EHBP1: variants seen among roughly 807,000 people sequenced by gnomAD.
EHBP1 encodes the protein EH domain-binding protein 1.
In EHBP1, 55 loss-of-function variants were observed where a neutral mutation model predicts 144.0. The ratio of observed to expected loss-of-function variants is 0.38; its 90% CI spans 0.31 to 0.48. EHBP1 has a LOEUF of 0.48. Among genes scored for constraint, EHBP1 ranks in the 20% least tolerant of loss-of-function variants. The pLI, the probability that EHBP1 is intolerant of heterozygous loss-of-function variation, is 0.98. For synonymous variants in EHBP1, 469 were observed against 472.7 expected, an observed-to-expected ratio of 0.99 and a Z score of 0.10; for missense variants, 1,200 against 1,364.2, an observed-to-expected ratio of 0.88 and a Z score of 1.90.
At chr2:62,840,813 T>G (rs1271357237) in intron 7 of EHBP1, among the ~76,000 whole-genome samples, 1 of 151,836 alleles carries the variant, frequency 6.6e-6, no homozygotes, top group Non-Finnish European at 1.5e-5. Flanking sequence ...CCAGTTAGAA[T>G]GGCAATCATT....
At chr2:62,765,256 C>T (rs1198259136) in intron 4 of EHBP1, among the ~76,000 whole-genome samples, 1 of 152,050 alleles carries the variant, frequency 6.6e-6, no homozygotes. Context: ...TTTTTACTGA[C>T]TTGGCCCTAT....
chr2:62,936,716 C>T (rs2056412064), intron 10 of EHBP1, among the ~76,000 whole-genome samples: 1 of 151,796 alleles, frequency 6.6e-6, no homozygotes, highest in African/African-American at 2.4e-5. Flanking sequence ...ATCTTTCTAG[C>T]AGTAGAATAA....
chr2:62,966,100 G>C (rs1338938988), intron 14 of EHBP1, among the ~76,000 whole-genome samples: 1 of 152,138 alleles, frequency 6.6e-6, no homozygotes, highest in Non-Finnish European at 1.5e-5. Context: ...TTAACTTAGA[G>C]TCTGATTCTT....
intron 16 of EHBP1, 54 bp from the exon 17 acceptor site, chr2:62,993,476 A>T: frequency 7.2e-7 from 1 of 1,382,958 alleles, no homozygotes. Context: ...ACTAATGTGT[A>T]ATTTTATGTT....
chr2:62,729,426 TATAATA>T (rs1480224667), intron 2 of EHBP1, among the ~76,000 whole-genome samples: 3 of 89,170 alleles, frequency 3.4e-5, no homozygotes. Flanking sequence ...AATAATATAA[TATAATA>T]ATAATAAATA....
intron 6 of EHBP1, among the ~76,000 whole-genome samples, chr2:62,830,151 T>TAG: frequency 3.1e-5 from 2 of 64,810 alleles, no homozygotes; most frequent in South Asian, 6.1e-4. Context: ...TATATATATA[T>TAG]AGACACACAC....
intron 13 of EHBP1, 47 bp downstream of exon 13, chr2:62,949,209 C>T (rs2057247880): frequency 6.9e-7 from 1 of 1,453,144 alleles, no homozygotes; most frequent in Non-Finnish European, 9.2e-7. Context: ...ATTAGTTATT[C>T]TCTGTTTTTG....
At chr2:63,005,190 A>C (rs1186013965) in intron 19 of EHBP1, among the ~76,000 whole-genome samples, 1 of 152,088 alleles carries the variant, frequency 6.6e-6, no homozygotes, top group Non-Finnish European at 1.5e-5. Context: ...GGCCATGGGT[A>C]GTATTAATAA....
chr2:62,705,297 A>G (rs569331162), upstream of EHBP1, among the ~76,000 whole-genome samples: 3 of 152,076 alleles, frequency 2.0e-5, no homozygotes, highest in Non-Finnish European at 4.4e-5. Context: ...AGCTGCAGCG[A>G]AGCCAATCTC....
intron 14 of EHBP1, among the ~76,000 whole-genome samples, chr2:62,972,744 C>G (rs1215369801): frequency 2.0e-5 from 3 of 152,126 alleles, no homozygotes; most frequent in Non-Finnish European, 1.5e-5. Flanking sequence ...TTAAGGCAAT[C>G]TGATAGGGAA....
In EHBP1 at chr2:62,993,544, TCTC is replaced by T; in HGVS notation, c.2750_2752del (p.Leu917del). Reference sequence around the variant, plus strand: ...TTTACGTTTAGAGTGGCACAGAAGATCTCCGGACTGAACGATTACAAAAAACAA... The same window carrying T: ...TTTACGTTTAGAGTGGCACAGAAGATCGGACTGAACGATTACAAAAAACAA... On this transcript the variant is annotated inframe_deletion, in exon 17 of 23. Transcript: ENST00000431489. 1 of 1,593,944 alleles carries T rather than the reference TCTC, an allele frequency of 6.3e-7. No homozygotes were observed. Among genetic ancestry groups the T allele is most frequent in the Non-Finnish European group, 8.6e-7 (1 of 1,167,242 alleles).
chr2:63,005,733 A>C (rs1245666359), intron 19 of EHBP1, among the ~76,000 whole-genome samples: 1 of 152,026 alleles, frequency 6.6e-6, no homozygotes, highest in Non-Finnish European at 1.5e-5. Flanking sequence ...GTTATCTATA[A>C]TTGGTATTAA....
chr2:62,792,312 A>G (rs1319857298), intron 5 of EHBP1, among the ~76,000 whole-genome samples: 1 of 152,038 alleles, frequency 6.6e-6, no homozygotes, highest in Non-Finnish European at 1.5e-5. Flanking sequence ...CAGTCCAGAT[A>G]TATTAGTGCC....
Position 62,948,262 on chromosome 2 carries a change from A to G in EHBP1, c.1416A>G (p.Ala472=). 6.4e-7 allele frequency: 1 copy of G among 1,557,124 alleles called. No individual in the cohort carries two copies. The highest frequency in any genetic ancestry group is 8.7e-7 in the Non-Finnish European group (1 of 1,152,234). Residue 472 remains alanine (A), a splice_region_variant and synonymous_variant, in exon 13 of 23, where the codon GCA becomes GCG. Coordinates refer to ENST00000431489, the MANE Select transcript of EHBP1 (RefSeq NM_001142616.3). ...PQDIKENNKK[A]YDGFASIGIS... ...TTTTGTTTTTCCTTCCTTTGAAGGC[A>G]TACGATGGATTTGCCAGCATAGGAA...
At chr2:63,003,130 A>AG (rs1186190251) in intron 19 of EHBP1, among the ~76,000 whole-genome samples, 1 of 152,076 alleles carries the variant, frequency 6.6e-6, no homozygotes, top group Admixed American at 6.6e-5. Flanking sequence ...AATAGTCACT[A>AG]GTCACCATTT....
chr2:62,968,995 T>C (rs1250882157), intron 14 of EHBP1, among the ~76,000 whole-genome samples: 1 of 152,240 alleles, frequency 6.6e-6, no homozygotes, highest in Non-Finnish European at 1.5e-5. Flanking sequence ...AGGTGATACT[T>C]ACTTAGTCAG....
chr2:63,038,939 A>G (rs1273119269), intron 21 of EHBP1, 123 bp downstream of exon 21: 2 of 791,130 alleles, frequency 2.5e-6, no homozygotes, highest in Non-Finnish European at 2.1e-6. Flanking sequence ...AATTGCAAAT[A>G]AATGCCGTGG....
At chr2:62,790,147 C>T (rs563947207) in intron 5 of EHBP1, among the ~76,000 whole-genome samples, 1 of 152,244 alleles carries the variant, frequency 6.6e-6, no homozygotes, top group African/African-American at 2.4e-5. Flanking sequence ...GACATAATGT[C>T]GTCTTGTGAC....
chr2:62,829,382 C>T (rs2046610607), intron 6 of EHBP1, among the ~76,000 whole-genome samples: 1 of 151,722 alleles, frequency 6.6e-6, no homozygotes, highest in Admixed American at 6.6e-5. Context: ...ACGTAAGTCT[C>T]CAAAGTCCAT....
Sources: allele counts gnomAD v4.1 joint callset (sites outside exome capture counted in the v4.1 genomes callset), GRCh38; gene constraint gnomAD v4.1.1; transcripts MANE v1.5; gene names NCBI Gene and HGNC (gene_info 2026-07-23, HGNC 2026-07-21).